The following REM2 variants were observed in gnomAD, a reference collection of about 807,000 sequenced individuals.
REM2 encodes the protein GTP-binding protein REM 2.
In REM2, 24 loss-of-function variants were observed where a neutral mutation model predicts 24.4. The observed-to-expected ratio is 0.98, with a 90% CI of 0.71 to 1.38. The LOEUF is 1.38. Among genes scored for constraint, REM2 ranks in the 40% most tolerant of loss-of-function variants. REM2 has a pLI of 0.00. For missense variants in REM2, 429 were observed against 467.8 expected, an observed-to-expected ratio of 0.92 and a Z score of 0.77; for synonymous variants, 187 against 198.0, an observed-to-expected ratio of 0.94 and a Z score of 0.47.
At position 22,885,356 on chromosome 14, in the gene REM2, G is replaced by A. The variant is rs200093601; in HGVS notation, c.519+17G>A. 5 of 1,595,876 alleles carry A rather than the reference G, an allele frequency of 3.1e-6. No homozygotes were observed. In the African/African-American group the frequency reaches 6.7e-5, roughly 21 times the overall value. ...TGGGAACAGGTGAGAACTAAGATGTGGCTGCAGGCAGGTGATGAAGCTGGG... is the reference window on the plus strand; with the variant it reads ...TGGGAACAGGTGAGAACTAAGATGTAGCTGCAGGCAGGTGATGAAGCTGGG... On this transcript the variant is annotated intron_variant, in intron 3 of 4. Coordinates refer to ENST00000267396, the MANE Select transcript of REM2 (RefSeq NM_173527.3).
Position 22,884,676 on chromosome 14 carries a change from G to A in REM2, c.106G>A (p.Ala36Thr), listed in dbSNP as rs2040104239. Residue 36 changes from alanine (A) to threonine (T), a missense_variant and splice_region_variant, in exon 2 of 5, where the codon GCA (alanine) becomes ACA (threonine). By Grantham distance (58) the Ala-to-Thr change is moderately conservative (BLOSUM62 0). Coordinates refer to ENST00000267396, the MANE Select transcript of REM2 (RefSeq NM_173527.3). ...TTTGCCCTCCCATTTTATTTTAGAA[G>A]CAGATGCCACGCTACTAAAGAAGTC... ...ASPPGTPTPE[A>T]DATLLKKSEK... 3.8e-6 allele frequency: 6 copies of A among 1,593,174 alleles called. No individual in the cohort carries two copies. The highest frequency in any genetic ancestry group is 5.1e-6 in the Non-Finnish European group (6 of 1,168,710).
Position 22,885,342 on chromosome 14 carries a change from G to A in REM2, c.519+3G>A. 3 of 1,609,224 alleles carry A rather than the reference G, an allele frequency of 1.9e-6. No homozygotes were observed. The highest frequency in any genetic ancestry group is 2.6e-6 in the Non-Finnish European group (3 of 1,175,538). On this transcript the variant is annotated splice_donor_region_variant and intron_variant, in intron 3 of 4. Coordinates refer to ENST00000267396, the MANE Select transcript of REM2 (RefSeq NM_173527.3). Reference sequence around the variant, plus strand: ...TCGTTTATGACATCTGGGAACAGGTGAGAACTAAGATGTGGCTGCAGGCAG... The same window carrying A: ...TCGTTTATGACATCTGGGAACAGGTAAGAACTAAGATGTGGCTGCAGGCAG...
intron 3 of REM2, among the ~76,000 whole-genome samples, 179 bp downstream of exon 3, chr14:22,885,518 AC>A (rs1287862010): frequency 1.1e-4 from 16 of 152,250 alleles, no homozygotes; most frequent in Admixed American, 7.8e-4. Context: ...GGCTGTTAAG[AC>A]CCACAGTCTT....
chr14:22,885,022 G>A lies in REM2; in HGVS notation c.445+7G>A. ...CACGAACCGGAGAACCCAGGTATTT[G>A]GGGAAGCCCTCCAGGGGTTGAGGGG... On this transcript the variant is annotated splice_region_variant and intron_variant, in intron 2 of 4. Coordinates refer to ENST00000267396, the MANE Select transcript of REM2 (RefSeq NM_173527.3). 1 of 1,528,690 alleles carries A rather than the reference G, an allele frequency of 6.5e-7. No individual in the cohort carries two copies. Among genetic ancestry groups the A allele is most frequent in the Non-Finnish European group, 8.8e-7 (1 of 1,137,958 alleles). The allele number at this position is 1,528,690 out of a possible 1,614,324, so 94.7% of individuals were successfully genotyped here.
Position 22,886,603 on chromosome 14 carries a change from C to T in REM2, c.728-11C>T, listed in dbSNP as rs2040131556. 2 of 1,448,012 alleles carry T rather than the reference C, an allele frequency of 1.4e-6. No homozygotes were observed. Among genetic ancestry groups the T allele is most frequent in the Admixed American group, 2.9e-5 (1 of 34,736 alleles). The allele number at this position is 1,448,012 out of a possible 1,614,324, so 89.7% of individuals were successfully genotyped here. A position where few individuals can be genotyped will look rare whatever the true frequency, so the allele number is the denominator to read the frequency against. The stretch of plus-strand genomic sequence containing the variant: ...AGCCCAGCGGGCGCCTGAGCCGGTG[C>T]CTTCCTGCAGAGGGCCGCCACCTGG... On this transcript the variant is annotated splice_polypyrimidine_tract_variant and intron_variant, in intron 4 of 4. Transcript: ENST00000267396. The surrounding 1 kb of genome is among the most constrained non-coding windows in gnomAD (Gnocchi z 5.9).
At chr14:22,885,158 G>A in intron 2 of REM2, 108 bp from the exon 3 acceptor site, 1 of 1,371,160 alleles carries the variant, frequency 7.3e-7, no homozygotes, top group Non-Finnish European at 1.0e-6. Context: ...CCCTGAAGAG[G>A]GGCAGGGTTC....
chr14:22,886,342 A>G lies in REM2; in HGVS notation c.727+111A>G, dbSNP rs1463925006. ...ACCATCGCGGACGCACTCACTTGCA[A>G]TCAGACCCAGGCTAGGGGGACACTC... On this transcript the variant is annotated intron_variant, in intron 4 of 4. Coordinates refer to ENST00000267396, the MANE Select transcript of REM2 (RefSeq NM_173527.3). This position sits in a 1 kb window ranked among gnomAD's most constrained non-coding sequence, Gnocchi z 5.9. The G allele has an allele frequency of 4.0e-6, 4 of 1,005,126 alleles. No individual in the cohort carries two copies. Among genetic ancestry groups the G allele is most frequent in the Admixed American group, 2.0e-5 (1 of 48,964 alleles). 62.3% of individuals were successfully genotyped at this position (1,005,126 alleles called of 1,614,324 possible).
chr14:22,886,932 C>A lies in REM2; in HGVS notation c.*23C>A, dbSNP rs2040136397. On this transcript the variant is annotated 3_prime_UTR_variant, in exon 5 of 5. Transcript: ENST00000267396. The surrounding 1 kb of genome is among the most constrained non-coding windows in gnomAD (Gnocchi z 5.9). ...TGAGCCGCGGTCGCCATGGCCACTG[C>A]GGTCGCCATGGTCACCGCGCCCTCC... is the stretch of plus-strand genomic sequence containing the variant. 1 of 1,389,740 alleles carries A rather than the reference C, an allele frequency of 7.2e-7. No homozygotes were observed. 86.1% of individuals were successfully genotyped at this position (1,389,740 alleles called of 1,614,324 possible).
At position 22,883,352 on chromosome 14, in the gene REM2, G is replaced by A; in HGVS notation, c.65G>A (p.Gly22Asp). The change falls in exon 1 of 5, where the codon GGC becomes GAC. Residue 22 changes from glycine to aspartate, a missense_variant. Transcript: ENST00000267396. ...GAAACCACAGCACTCTGCCCCTCTG[G>A]CAGCCGCCGGGCCTCCCCTCCAGGG... ...DTETTALCPS[G>D]SRRASPPGTP... 1 of 1,558,246 alleles carries A rather than the reference G, an allele frequency of 6.4e-7. No homozygotes were observed. The highest frequency in any genetic ancestry group is 1.9e-5 in the Admixed American group (1 of 51,586).
In REM2 at chr14:22,883,369, C is replaced by A. The variant is rs1429908005; in HGVS notation, c.82C>A (p.Pro28Thr). The change falls in exon 1 of 5, where the codon CCT becomes ACT. Residue 28 changes from proline to threonine, a missense_variant. Pro to Thr is a conservative substitution (Grantham distance 38). Transcript: ENST00000267396. Reference protein sequence around the residue: ...LCPSGSRRASPPGTPTPEADA... With the variant: ...LCPSGSRRASTPGTPTPEADA... ...CCCCTCTGGCAGCCGCCGGGCCTCC[C>A]CTCCAGGGACGCCCACACCAGGTGA... 1.3e-5 allele frequency: 20 copies of A among 1,554,986 alleles called. No individual in the cohort carries two copies. Among genetic ancestry groups the A allele is most frequent in the Non-Finnish European group, 1.7e-5 (20 of 1,149,278 alleles).
chr14:22,886,879 C>G lies in REM2; in HGVS notation c.993C>G (p.Ser331=). Reference sequence around the variant, plus strand: ...ACGCCAAGTTCTTCAAGCAGCGCTCCAGGTCGTGTCACGACCTCTCGGTGC... The same window carrying G: ...ACGCCAAGTTCTTCAAGCAGCGCTCGAGGTCGTGTCACGACCTCTCGGTGC... ...PRNAKFFKQR[S]RSCHDLSVL Residue 331 remains serine (S), a synonymous_variant, in exon 5 of 5, where the codon TCC becomes TCG. Coordinates refer to ENST00000267396, the MANE Select transcript of REM2 (RefSeq NM_173527.3). This position sits in a 1 kb window ranked among gnomAD's most constrained non-coding sequence, Gnocchi z 5.9. 2 of 1,536,416 alleles carry G rather than the reference C, an allele frequency of 1.3e-6. No individual in the cohort carries two copies. Among genetic ancestry groups the G allele is most frequent in the Non-Finnish European group, 1.8e-6 (2 of 1,141,146 alleles).
intron 1 of REM2, 45 bp downstream of exon 1, chr14:22,883,435 G>A: frequency 6.5e-7 from 1 of 1,535,698 alleles, no homozygotes; most frequent in Non-Finnish European, 8.8e-7. Flanking sequence ...CATGGGGGTG[G>A]GAGCTGAAGC....
In REM2 at chr14:22,886,056, C is replaced by T. The variant is rs1232844983; in HGVS notation, c.552C>T (p.Cys184=). ...CAGGAGGGTGGCTGCGGGACCACTGCCTTCAGACCGGGGACGCCTTTCTCA... is the reference window on the plus strand; with the variant it reads ...CAGGAGGGTGGCTGCGGGACCACTGTCTTCAGACCGGGGACGCCTTTCTCA... ...GDAGGWLRDH[C]LQTGDAFLIV... The change falls in exon 4 of 5, where the codon TGC becomes TGT. Residue 184 remains cysteine, a synonymous_variant. Coordinates refer to ENST00000267396, the MANE Select transcript of REM2 (RefSeq NM_173527.3). The surrounding 1 kb of genome is among the most constrained non-coding windows in gnomAD (Gnocchi z 5.9). The T allele has an allele frequency of 6.2e-7, 1 of 1,613,984 alleles. No homozygotes were observed. The highest frequency in any genetic ancestry group is 8.5e-7 in the Non-Finnish European group (1 of 1,179,874).
rs2040097678 is a variant in REM2, at chr14:22,884,166, A to G, written c.104-508A>G. 1.6e-5 allele frequency: 16 copies of G among 985,174 alleles called. No individual in the cohort carries two copies. In the South Asian group the frequency reaches 7.5e-4, roughly 46 times the overall value. 61.0% of individuals were successfully genotyped at this position (985,174 alleles called of 1,614,324 possible). ...TTTCCTAGGAAGAAGCTCACTACAA[A>G]GTTTTTTACTCTGCTATACCTACTC... On this transcript the variant is annotated intron_variant, in intron 1 of 4. Transcript: ENST00000267396.
rs1190505364 is a variant in REM2, at chr14:22,887,055, G to A, written c.*146G>A. 4.2e-6 allele frequency: 3 copies of A among 708,084 alleles called. No individual in the cohort carries two copies. Among genetic ancestry groups the A allele is most frequent in the Non-Finnish European group, 6.3e-6 (3 of 475,834 alleles). 43.9% of individuals were successfully genotyped at this position (708,084 alleles called of 1,614,324 possible). A position where few individuals can be genotyped will look rare whatever the true frequency, so the allele number is the denominator to read the frequency against. On this transcript the variant is annotated 3_prime_UTR_variant, in exon 5 of 5. Coordinates refer to ENST00000267396, the MANE Select transcript of REM2 (RefSeq NM_173527.3). Reference sequence around the variant, plus strand: ...CCCAGGATGCCCCGGTGTGACCGCCGGGGGCGGCCCGGGGCCGCTCGGCGG... The same window carrying A: ...CCCAGGATGCCCCGGTGTGACCGCCAGGGGCGGCCCGGGGCCGCTCGGCGG...
At chr14:22,883,521 G>T in intron 1 of REM2, 131 bp downstream of exon 1, 1 of 801,230 alleles carries the variant, frequency 1.2e-6, no homozygotes, top group Non-Finnish European at 2.0e-6. Context: ...AATTGAGAAA[G>T]TGGAGAAGAC....
At position 22,886,950 on chromosome 14, in the gene REM2, C is replaced by T; in HGVS notation, c.*41C>T. ...GCCACTGCGGTCGCCATGGTCACCG[C>T]GCCCTCCGCTCGCCCCCCCTCGCCC... On this transcript the variant is annotated 3_prime_UTR_variant, in exon 5 of 5. Transcript: ENST00000267396. This position sits in a 1 kb window ranked among gnomAD's most constrained non-coding sequence, Gnocchi z 5.9. 1 of 1,344,746 alleles carries T rather than the reference C, an allele frequency of 7.4e-7. No individual in the cohort carries two copies. 83.3% of individuals were successfully genotyped at this position (1,344,746 alleles called of 1,614,324 possible).
chr14:22,883,521 G>C (rs2040088448), intron 1 of REM2, 131 bp downstream of exon 1: 6 of 801,230 alleles, frequency 7.5e-6, no homozygotes, highest in Non-Finnish European at 1.2e-5. Flanking sequence ...AATTGAGAAA[G>C]TGGAGAAGAC....
At position 22,886,431 on chromosome 14, in the gene REM2, G is replaced by T; in HGVS notation, c.728-183G>T. On this transcript the variant is annotated intron_variant, in intron 4 of 4. Coordinates refer to ENST00000267396, the MANE Select transcript of REM2 (RefSeq NM_173527.3). This position sits in a 1 kb window ranked among gnomAD's most constrained non-coding sequence, Gnocchi z 5.9. Reference sequence around the variant, plus strand: ...TCACTTCCCCTCACCTCTCTCCTAGGCCTCCTTCTCCCTCTCCTTCGCACC... The same window carrying T: ...TCACTTCCCCTCACCTCTCTCCTAGTCCTCCTTCTCCCTCTCCTTCGCACC... The T allele has an allele frequency of 1.4e-6, 1 of 712,932 alleles. No homozygotes were observed. Among genetic ancestry groups the T allele is most frequent in the Non-Finnish European group, 2.3e-6 (1 of 432,546 alleles). The allele number at this position is 712,932 out of a possible 1,614,324, so 44.2% of individuals were successfully genotyped here.
Sources: allele counts gnomAD v4.1 joint callset (sites outside exome capture counted in the v4.1 genomes callset), GRCh38; gene constraint gnomAD v4.1.1; non-coding constraint Gnocchi (gnomAD v3.1); transcripts MANE v1.5; gene names NCBI Gene and HGNC (gene_info 2026-07-23, HGNC 2026-07-21).